The following SIK3 variants were observed in gnomAD, a reference collection of about 807,000 sequenced individuals.
SIK3 encodes serine/threonine-protein kinase SIK3.
SIK3 carries 28 observed loss-of-function variants against 144.2 expected under a neutral mutation model. The observed-to-expected ratio is 0.19, with a 90% CI of 0.14 to 0.27. SIK3 has a LOEUF of 0.27. SIK3 is among the 10% of genes least tolerant of loss of function. The probability of loss-of-function intolerance (pLI) is 1.00; values close to 1 mark genes in which losing one functional copy is unlikely to be tolerated. For missense variants in SIK3, 1,319 were observed against 1,776.0 expected, an observed-to-expected ratio of 0.74 and a Z score of 4.62; for synonymous variants, 686 against 676.3, an observed-to-expected ratio of 1.01 and a Z score of -0.22.
chr11:117,024,791 C>T (rs920408217), intron 1 of SIK3, among the ~76,000 whole-genome samples: 1 of 151,974 alleles, frequency 6.6e-6, no homozygotes, highest in African/African-American at 2.4e-5. Flanking sequence ...GTCCCAGCTA[C>T]TTAGCAGGCT....
chr11:116,948,557 G>A (rs910257541), intron 3 of SIK3, among the ~76,000 whole-genome samples: 3 of 152,154 alleles, frequency 2.0e-5, no homozygotes, highest in South Asian at 2.1e-4. Flanking sequence ...GATTATAGGC[G>A]TGAGTCACCA....
chr11:116,909,711 C>T (rs1946237602), intron 4 of SIK3, among the ~76,000 whole-genome samples: 1 of 152,104 alleles, frequency 6.6e-6, no homozygotes, highest in South Asian at 2.1e-4. Flanking sequence ...GGGCCTAGCA[C>T]AGTGCTGACA....
intron 1 of SIK3, among the ~76,000 whole-genome samples, chr11:116,974,826 G>T (rs1008506651): frequency 1.3e-5 from 2 of 152,114 alleles, no homozygotes; most frequent in East Asian, 3.8e-4. Context: ...TTTCTCAATT[G>T]TATTTTTTCC....
At chr11:116,857,057 C>A (rs1413614755) in intron 21 of SIK3, 2 of 152,156 alleles carry the variant, frequency 1.3e-5, no homozygotes, top group South Asian at 4.1e-4. Flanking sequence ...TTACTAATTG[C>A]AATCCTGATC....
At chr11:116,945,249 C>T (rs1234233804) in intron 3 of SIK3, among the ~76,000 whole-genome samples, 3 of 152,156 alleles carry the variant, frequency 2.0e-5, no homozygotes, top group Admixed American at 6.5e-5. Context: ...GTGAGCACAA[C>T]AGCAACATGT....
At chr11:116,990,503 A>G (rs558146206) in intron 1 of SIK3, among the ~76,000 whole-genome samples, 31 of 152,342 alleles carry the variant, frequency 2.0e-4, no homozygotes, top group African/African-American at 7.5e-4. Flanking sequence ...ATACCTTAGT[A>G]TAACAGTGCA....
Position 116,896,384 on chromosome 11 carries a change from C to G in SIK3, c.742-8G>C. ...GAGGACAACTCCAAGGCTCTGCATC[C>G]CAAACAGAGAGGATGTACAATTAAT... On this transcript the variant is annotated splice_region_variant and splice_polypyrimidine_tract_variant and intron_variant, in intron 5 of 24. Transcript: ENST00000445177. 1 of 1,612,514 alleles carries G rather than the reference C, an allele frequency of 6.2e-7. No individual in the cohort carries two copies. Among genetic ancestry groups the G allele is most frequent in the East Asian group, 2.2e-5 (1 of 44,792 alleles).
chr11:117,070,948 T>G (rs1413910743), intron 1 of SIK3, among the ~76,000 whole-genome samples: 1 of 151,128 alleles, frequency 6.6e-6, no homozygotes, highest in African/African-American at 2.4e-5. Context: ...GAGACGGGGT[T>G]TCACCATGTT....
rs1318363390 is a variant in SIK3, at chr11:116,863,794, A to G, written c.1977T>C (p.Thr659=). 7 of 1,613,358 alleles carry G rather than the reference A, an allele frequency of 4.3e-6. No homozygotes were observed. The highest frequency in any genetic ancestry group is 5.1e-6 in the Non-Finnish European group (6 of 1,179,636). ...QHRSTYKDSN[T]LHLPTERFSP... is the part of the protein sequence containing the mutation. ...AGAAACGCTCCGTAGGGAGGTGCAG[A>G]GTGTTGGAGTCCTTGTAGGTAGAGC... is the stretch of plus-strand genomic sequence containing the variant. The change falls in exon 16 of 25, where the codon ACT becomes ACC. Residue 659 remains threonine, a synonymous_variant. Coordinates refer to ENST00000445177, the MANE Select transcript of SIK3 (RefSeq NM_001366686.3).
At chr11:116,873,303 G>A (rs1256316252) in intron 13 of SIK3, among the ~76,000 whole-genome samples, 178 bp downstream of exon 13, 3 of 152,224 alleles carry the variant, frequency 2.0e-5, no homozygotes, top group Non-Finnish European at 4.4e-5. Flanking sequence ...AAGTAAGTTC[G>A]CCAAAAATAA....
Position 116,875,410 on chromosome 11 carries a change from C to T in SIK3, c.1281G>A (p.Gln427=). ...AGTAMNISVP[Q]VQLINPENQI... is the part of the protein sequence containing the mutation. ...GGTTCTCTGGGTTGATCAGCTGCAC[C>T]TGGGGAACGCTGATGTTCATAGCAG... The change falls in exon 10 of 25, where the codon CAG becomes CAA. Residue 427 remains glutamine, a synonymous_variant. Transcript: ENST00000445177. The T allele has an allele frequency of 6.2e-7, 1 of 1,614,218 alleles. No individual in the cohort carries two copies. Among genetic ancestry groups the T allele is most frequent in the Non-Finnish European group, 8.5e-7 (1 of 1,180,038 alleles).
chr11:116,873,339 A>G, intron 13 of SIK3, 142 bp downstream of exon 13: 1 of 1,122,200 alleles, frequency 8.9e-7, no homozygotes, highest in Non-Finnish European at 1.3e-6. Context: ...ACTGGCCTGA[A>G]GAAAATGGGC....
chr11:116,977,948 G>A (rs548446845), intron 1 of SIK3, among the ~76,000 whole-genome samples: 54 of 151,662 alleles, frequency 3.6e-4, no homozygotes, highest in Admixed American at 1.0e-3. Context: ...GCCGGGTGCG[G>A]TGGCTCACGC....
At chr11:116,964,265 T>C (rs1949445391) in intron 1 of SIK3, among the ~76,000 whole-genome samples, 1 of 152,132 alleles carries the variant, frequency 6.6e-6, no homozygotes, top group African/African-American at 2.4e-5. Flanking sequence ...TCTCCTAAAG[T>C]GCTGGGGTTA....
intron 1 of SIK3, among the ~76,000 whole-genome samples, chr11:117,073,561 T>C (rs549736009): frequency 1.3e-5 from 2 of 152,210 alleles, no homozygotes; most frequent in Admixed American, 1.3e-4. Flanking sequence ...AATAGTTACT[T>C]TGTAAAAAGC....
intron 1 of SIK3, among the ~76,000 whole-genome samples, chr11:116,967,753 C>G (rs1949612058): frequency 6.6e-6 from 1 of 152,168 alleles, no homozygotes; most frequent in Non-Finnish European, 1.5e-5. Flanking sequence ...GTTGTGAAAT[C>G]ATGCATTTCT....
At chr11:117,095,301 CTCTG>C (rs1385960004) in intron 1 of SIK3, among the ~76,000 whole-genome samples, 2 of 151,674 alleles carry the variant, frequency 1.3e-5, no homozygotes, top group African/African-American at 4.8e-5. Context: ...TCTGAATTAC[CTCTG>C]TCTGACTGTT....
At chr11:116,932,568 C>A (rs1947674370) in intron 3 of SIK3, among the ~76,000 whole-genome samples, 1 of 152,060 alleles carries the variant, frequency 6.6e-6, no homozygotes, top group African/African-American at 2.4e-5. Flanking sequence ...ACGGATCTTG[C>A]CTTTCCCCTG....
intron 1 of SIK3, 51 bp from the exon 2 acceptor site, chr11:116,957,115 A>T: frequency 9.9e-7 from 1 of 1,007,382 alleles, no homozygotes; most frequent in Non-Finnish European, 1.4e-6. Context: ...AAAGCAGTTT[A>T]CTAAGAAAAA....
Sources: allele counts gnomAD v4.1 joint callset (sites outside exome capture counted in the v4.1 genomes callset), GRCh38; gene constraint gnomAD v4.1.1; transcripts MANE v1.5; gene names NCBI Gene and HGNC (gene_info 2026-07-23, HGNC 2026-07-21).